The following FOXN4 variants were observed in gnomAD, a reference collection of about 807,000 sequenced individuals.
FOXN4 encodes forkhead box protein N4.
FOXN4 carries 12 observed loss-of-function variants against 45.0 expected under a neutral mutation model. That is an observed-to-expected ratio of 0.27 (90% CI 0.17 to 0.43). The LOEUF is 0.43. Ranked by LOEUF, FOXN4 falls within the 20% of genes least tolerant of loss-of-function variation. FOXN4 has a pLI of 1.00. For synonymous variants in FOXN4, 297 were observed against 295.0 expected, an observed-to-expected ratio of 1.01 and a Z score of -0.07; for missense variants, 560 against 694.9, an observed-to-expected ratio of 0.81 and a Z score of 2.18.
At chr12:109,300,315 G>A (rs563540401) in intron 2 of FOXN4, among the ~76,000 whole-genome samples, 9 of 152,196 alleles carry the variant, frequency 5.9e-5, no homozygotes, top group South Asian at 2.1e-4. Flanking sequence ...TCTGATTGAC[G>A]CCAGAATGCA....
chr12:109,284,229 G>C (rs184137523), intron 8 of FOXN4, among the ~76,000 whole-genome samples: 4 of 152,342 alleles, frequency 2.6e-5, no homozygotes, highest in African/African-American at 9.6e-5. Context: ...TGACAAGTGA[G>C]ATCCAACAGC....
chr12:109,279,980 T>C (rs752592379), intron 9 of FOXN4, 50 bp from the exon 10 acceptor site: 67 of 1,605,622 alleles, frequency 4.2e-5, no homozygotes, highest in Non-Finnish European at 5.4e-5. Flanking sequence ...TCAAATGACC[T>C]GAGTTCGAAT....
At chr12:109,304,719 G>A (rs1482422546) in intron 2 of FOXN4, among the ~76,000 whole-genome samples, 1 of 152,220 alleles carries the variant, frequency 6.6e-6, no homozygotes, top group African/African-American at 2.4e-5. Flanking sequence ...AGAGCCAGGC[G>A]GCTGCACGAG....
chr12:109,295,952 C>G (rs1168813749), intron 2 of FOXN4, among the ~76,000 whole-genome samples: 1 of 152,174 alleles, frequency 6.6e-6, no homozygotes, highest in African/African-American at 2.4e-5. Flanking sequence ...GCTTCCTAAC[C>G]TTCCTGAGCC....
chr12:109,299,538 A>G (rs1422145241), intron 2 of FOXN4, among the ~76,000 whole-genome samples: 2 of 152,136 alleles, frequency 1.3e-5, no homozygotes, highest in African/African-American at 4.8e-5. Flanking sequence ...AGCCCCAGGT[A>G]GCTGCTTCAG....
intron 2 of FOXN4, among the ~76,000 whole-genome samples, chr12:109,302,186 CTTTCA>C (rs2047874735): frequency 1.3e-5 from 2 of 152,358 alleles, no homozygotes; most frequent in South Asian, 2.1e-4. Context: ...AGCTCTGAGC[CTTTCA>C]TTTGACAAAT....
At position 109,279,331 on chromosome 12, in the gene FOXN4, G is replaced by C. The variant is rs1197764633; in HGVS notation, c.*340C>G. The stretch of plus-strand genomic sequence containing the variant: ...CAGGTCACTGAGGTCACGCAGCCAG[G>C]ATCCAGGATGGAGAAGTCTCACTCA... On this transcript the variant is annotated 3_prime_UTR_variant, in exon 10 of 10. Coordinates refer to ENST00000299162, the MANE Select transcript of FOXN4 (RefSeq NM_213596.3). 2.8e-6 allele frequency: 1 copy of C among 361,510 alleles called. No individual in the cohort carries two copies. Among genetic ancestry groups the C allele is most frequent in the Non-Finnish European group, 5.2e-6 (1 of 191,682 alleles). The allele number at this position is 361,510 out of a possible 1,614,324, so 22.4% of individuals were successfully genotyped here.
intron 8 of FOXN4, 30 bp downstream of exon 8, chr12:109,285,274 T>TGTGTGAGC: frequency 1.3e-6 from 2 of 1,539,386 alleles, no homozygotes; most frequent in Non-Finnish European, 1.8e-6. Flanking sequence ...TGTGTGTGTG[T>TGTGTGAGC]GCGCGCACTG....
chr12:109,296,933 C>G (rs1434382055), intron 2 of FOXN4, among the ~76,000 whole-genome samples: 2 of 152,232 alleles, frequency 1.3e-5, no homozygotes, highest in African/African-American at 4.8e-5. Context: ...ATCATCCTTG[C>G]AAGAGCCTGA....
intron 9 of FOXN4, 138 bp from the exon 10 acceptor site, chr12:109,280,068 CCTGGTGGCT>C: frequency 3.2e-6 from 4 of 1,242,488 alleles, no homozygotes; most frequent in Non-Finnish European, 4.4e-6. Flanking sequence ...TGGGGCCGGG[CCTGGTGGCT>C]CAAGCCTGTA....
intron 2 of FOXN4, among the ~76,000 whole-genome samples, chr12:109,305,169 C>G (rs541855359): frequency 2.1e-4 from 32 of 152,346 alleles, no homozygotes; most frequent in African/African-American, 7.5e-4. Context: ...CAAGTCTCCA[C>G]TGTACCCATG....
Position 109,288,256 on chromosome 12 carries a change from G to A in FOXN4, c.233-76C>T. The A allele has an allele frequency of 6.7e-7, 1 of 1,502,224 alleles. No individual in the cohort carries two copies. Among genetic ancestry groups the A allele is most frequent in the Non-Finnish European group, 8.8e-7 (1 of 1,133,016 alleles). The allele number at this position is 1,502,224 out of a possible 1,614,324, so 93.1% of individuals were successfully genotyped here. On this transcript the variant is annotated intron_variant, in intron 3 of 9. Transcript: ENST00000299162. The surrounding 1 kb of genome is among the most constrained non-coding windows in gnomAD (Gnocchi z 4.3). ...CCACCAGGAACAGCCCAGTGCCCAG[G>A]TGTCTCCGGAGAACGGAGCCAGCCC... is the stretch of plus-strand genomic sequence containing the variant.
In FOXN4 at chr12:109,307,328, T is replaced by C. The variant is rs569572133; in HGVS notation, c.86+908A>G. On this transcript the variant is annotated intron_variant, in intron 2 of 9. Transcript: ENST00000299162. ...CTGGTCCTGTCCCCATTCCGTAATC[T>C]GGACTGTGCCCCCTCAGCCTACAGA... Among the ~76,000 whole-genome samples the C allele has an allele frequency of 2.6e-5, 4 of 152,292 alleles. No individual in the cohort carries two copies. The South Asian group carries it at 8.3e-4, about 32-fold the overall frequency.
chr12:109,301,837 T>C (rs1213143928), intron 2 of FOXN4, among the ~76,000 whole-genome samples: 1 of 152,244 alleles, frequency 6.6e-6, no homozygotes, highest in African/African-American at 2.4e-5. Flanking sequence ...ATCTATTACA[T>C]ACTCTCAAGT....
At chr12:109,292,471 C>T (rs990630332) in intron 2 of FOXN4, among the ~76,000 whole-genome samples, 1 of 152,102 alleles carries the variant, frequency 6.6e-6, no homozygotes, top group African/African-American at 2.4e-5. Flanking sequence ...GCCCTTGGGC[C>T]ACTGGCTTAA....
At chr12:109,280,575 G>A (rs974624576) in intron 9 of FOXN4, among the ~76,000 whole-genome samples, 1 of 152,196 alleles carries the variant, frequency 6.6e-6, no homozygotes, top group African/African-American at 2.4e-5. Context: ...AGGGGGACAA[G>A]ACAATGTTTC....
At chr12:109,284,455 G>A (rs983856460) in intron 8 of FOXN4, among the ~76,000 whole-genome samples, 28 of 152,150 alleles carry the variant, frequency 1.8e-4, no homozygotes, top group Admixed American at 1.6e-3. Flanking sequence ...ATATGTGTGC[G>A]TGCATGTGTG....
chr12:109,287,797 G>T lies in FOXN4; in HGVS notation c.468+47C>A. 6.8e-7 allele frequency: 1 copy of T among 1,480,760 alleles called. No homozygotes were observed. The allele number at this position is 1,480,760 out of a possible 1,614,324, so 91.7% of individuals were successfully genotyped here. The stretch of plus-strand genomic sequence containing the variant: ...CAGAGGGGTCCCCGGCCAGCCCAAG[G>T]CAGGGTGTCTGCTGCTCAGTCCAGG... On this transcript the variant is annotated intron_variant, in intron 5 of 9. Transcript: ENST00000299162. This position sits in a 1 kb window ranked among gnomAD's most constrained non-coding sequence, Gnocchi z 4.1.
chr12:109,280,386 G>A (rs1372317608), intron 9 of FOXN4, among the ~76,000 whole-genome samples: 2 of 146,762 alleles, frequency 1.4e-5, no homozygotes, highest in African/African-American at 5.0e-5. Flanking sequence ...GGCCAGAGTC[G>A]CAGCAGCCCC....
Sources: allele counts gnomAD v4.1 joint callset (sites outside exome capture counted in the v4.1 genomes callset), GRCh38; gene constraint gnomAD v4.1.1; non-coding constraint Gnocchi (gnomAD v3.1); transcripts MANE v1.5; gene names NCBI Gene and HGNC (gene_info 2026-07-23, HGNC 2026-07-21).